ARSJ: variants seen among roughly 807,000 people sequenced by gnomAD.
ARSJ encodes the protein arylsulfatase J.
In ARSJ, 26 loss-of-function variants were observed where a neutral mutation model predicts 35.9. The ratio of observed to expected loss-of-function variants is 0.72; its 90% CI spans 0.53 to 1.00. The LOEUF is 1.00. Ranked by LOEUF, ARSJ falls within the 50% of genes least tolerant of loss-of-function variation. ARSJ has a pLI of 0.00. For missense variants in ARSJ, 667 were observed against 723.6 expected (o/e 0.92, Z 0.90); for synonymous variants, 294 against 267.6 (o/e 1.10, Z -0.96).
At chr4:113,939,815 A>T (rs1380368478) in intron 1 of ARSJ, among the ~76,000 whole-genome samples, 2 of 151,808 alleles carry the variant, frequency 1.3e-5, no homozygotes, top group Non-Finnish European at 2.9e-5. Context: ...TAGATTCTAG[A>T]TATTAGCCCT....
chr4:113,924,282 T>C (rs7667203), intron 1 of ARSJ, among the ~76,000 whole-genome samples: 109,382 of 150,760 alleles, frequency 0.73, 40,204 homozygotes, highest in East Asian at 0.82. Flanking sequence ...AAAGATGTAG[T>C]CTGGGAGGCT....
At chr4:113,925,998 G>A (rs1404873020) in intron 1 of ARSJ, among the ~76,000 whole-genome samples, 3 of 152,100 alleles carry the variant, frequency 2.0e-5, no homozygotes, top group Non-Finnish European at 4.4e-5. Context: ...CTGCCACCAT[G>A]GCCACTTTGT....
Position 113,902,443 on chromosome 4 carries a change from G to C in ARSJ, c.1631C>G (p.Pro544Arg). ...TCCCCAGACCCCTCCATTGAGCCTA[G>C]GGTTACTTCTGGGGTCTTTGGGGGG... ...RYPPKDPRSN[P>R]RLNGGVWGPW... Residue 544 changes from proline (P) to arginine (R), a missense_variant, in exon 2 of 2, where the codon CCT becomes CGT. Physicochemically the swap from Pro to Arg is moderately radical, Grantham distance 103 (BLOSUM62 -2). Coordinates refer to ENST00000315366, the MANE Select transcript of ARSJ (RefSeq NM_024590.4). The C allele has an allele frequency of 6.2e-7, 1 of 1,613,968 alleles. No individual in the cohort carries two copies.
chr4:113,963,413 A>G (rs552642771), intron 1 of ARSJ, among the ~76,000 whole-genome samples: 4 of 152,176 alleles, frequency 2.6e-5, no homozygotes, highest in South Asian at 2.1e-4. Flanking sequence ...CCTTCTTCAC[A>G]TGATGGCAGG....
At chr4:113,926,849 G>A (rs963927952) in intron 1 of ARSJ, among the ~76,000 whole-genome samples, 11 of 152,140 alleles carry the variant, frequency 7.2e-5, no homozygotes, top group Non-Finnish European at 1.0e-4. Context: ...AAGGAGAGTT[G>A]TTATCTGCAG....
chr4:113,916,643 T>C (rs550991686), intron 1 of ARSJ, among the ~76,000 whole-genome samples: 15 of 152,270 alleles, frequency 9.9e-5, no homozygotes, highest in African/African-American at 3.1e-4. Flanking sequence ...ATGATACCAT[T>C]GCTTGGGTCT....
intron 1 of ARSJ, among the ~76,000 whole-genome samples, chr4:113,904,353 T>C (rs1467694761): frequency 6.6e-5 from 10 of 152,218 alleles, no homozygotes; most frequent in African/African-American, 2.4e-4. Flanking sequence ...ATTATTATTA[T>C]TGCTTTTAAC....
intron 1 of ARSJ, among the ~76,000 whole-genome samples, chr4:113,912,072 A>G (rs1360875254): frequency 6.6e-6 from 1 of 152,206 alleles, no homozygotes; most frequent in East Asian, 1.9e-4. Flanking sequence ...GTTACCATAA[A>G]AATGCAGTTA....
chr4:113,902,478 C>G lies in ARSJ; in HGVS notation c.1596G>C (p.Pro532=). 1 of 1,614,066 alleles carries G rather than the reference C, an allele frequency of 6.2e-7. No homozygotes were observed. Among genetic ancestry groups the G allele is most frequent in the Non-Finnish European group, 8.5e-7 (1 of 1,180,014 alleles). ...TGGGGTCTTTGGGGGGATACCTGAC[C>G]GGCACTGCAGTTTTGTTGAACTGTG... The part of the protein sequence containing the change: ...RLSQFNKTAV[P]VRYPPKDPRS... Residue 532 remains proline (P), a synonymous_variant, in exon 2 of 2, where the codon CCG becomes CCC. Transcript: ENST00000315366.
rs1045883 is a variant in ARSJ, at chr4:113,902,534, C to A, written c.1540G>T (p.Gly514Ter). 6.2e-7 allele frequency: 1 copy of A among 1,614,130 alleles called. No homozygotes were observed. The highest frequency in any genetic ancestry group is 8.5e-7 in the Non-Finnish European group (1 of 1,180,020). The change falls in exon 2 of 2, where the codon GGA (glycine) becomes TGA (stop). Residue 514 changes from glycine (G) to a stop codon, truncating the protein, a stop_gained. Coordinates refer to ENST00000315366, the MANE Select transcript of ARSJ (RefSeq NM_024590.4). LOFTEE classifies it low-confidence loss of function (END_TRUNC). ...CTCCGTAGGAGCTTCTTCACGATTCCTGGATACCTGTTAGATAGGTCCACC... is the reference window on the plus strand; with the variant it reads ...CTCCGTAGGAGCTTCTTCACGATTCATGGATACCTGTTAGATAGGTCCACC... The part of the protein sequence containing the change: ...ERVDLSNRYP[G>*]IVKKLLRRLS...
chr4:113,961,897 C>CTGTG (rs60701922), intron 1 of ARSJ, among the ~76,000 whole-genome samples: 1 of 148,148 alleles, frequency 6.8e-6, no homozygotes, highest in African/African-American at 2.5e-5. Context: ...CTCTCTCTCT[C>CTGTG]TGTGTGTGTG....
In ARSJ at chr4:113,902,464, G is replaced by A. The variant is rs757481578; in HGVS notation, c.1610C>T (p.Pro537Leu). Residue 537 changes from proline (P) to leucine (L), a missense_variant, in exon 2 of 2, where the codon CCC (proline) becomes CTC (leucine). Coordinates refer to ENST00000315366, the MANE Select transcript of ARSJ (RefSeq NM_024590.4). ...NKTAVPVRYP[P>L]KDPRSNPRLN... ...CCTAGGGTTACTTCTGGGGTCTTTGGGGGGATACCTGACCGGCACTGCAGT... is the reference window on the plus strand; with the variant it reads ...CCTAGGGTTACTTCTGGGGTCTTTGAGGGGATACCTGACCGGCACTGCAGT... The A allele has an allele frequency of 7.4e-6, 12 of 1,613,982 alleles. No individual in the cohort carries two copies. Among genetic ancestry groups the A allele is most frequent in the East Asian group, 4.5e-5 (2 of 44,872 alleles).
intron 1 of ARSJ, among the ~76,000 whole-genome samples, chr4:113,938,916 T>A (rs962703983): frequency 4.6e-5 from 7 of 151,832 alleles, no homozygotes; most frequent in Non-Finnish European, 8.8e-5. Context: ...TTATTATTTT[T>A]AAATTATTAT....
At chr4:113,950,576 G>A (rs1414149084) in intron 1 of ARSJ, among the ~76,000 whole-genome samples, 1 of 152,006 alleles carries the variant, frequency 6.6e-6, no homozygotes, top group East Asian at 1.9e-4. Flanking sequence ...TATAAGATGA[G>A]GGAAAGGGAA....
intron 1 of ARSJ, among the ~76,000 whole-genome samples, chr4:113,906,507 A>C (rs1219795369): frequency 2.6e-5 from 4 of 152,230 alleles, no homozygotes; most frequent in African/African-American, 9.6e-5. Context: ...GAAAATTTAA[A>C]ACCAGCAACA....
chr4:113,937,529 G>T (rs1194495821), intron 1 of ARSJ, among the ~76,000 whole-genome samples: 6 of 152,066 alleles, frequency 3.9e-5, no homozygotes, highest in African/African-American at 1.4e-4. Flanking sequence ...AGTATTGGAA[G>T]TTCTGGCCAG....
intron 1 of ARSJ, chr4:113,944,121 G>A (rs1220040675): frequency 2.6e-5 from 4 of 152,174 alleles, no homozygotes; most frequent in Admixed American, 6.6e-5. Context: ...CTGTGGCTTC[G>A]AACCAGGAAA....
chr4:113,969,777 T>A (rs1023653280), intron 1 of ARSJ, among the ~76,000 whole-genome samples: 1 of 152,216 alleles, frequency 6.6e-6, no homozygotes, highest in Non-Finnish European at 1.5e-5. Flanking sequence ...CAGGGGGAAA[T>A]AAATAATCAT....
chr4:113,903,354 C>T lies in ARSJ; in HGVS notation c.720G>A (p.Gln240=), dbSNP rs2099667739. 6.8e-6 allele frequency: 11 copies of T among 1,614,032 alleles called. No individual in the cohort carries two copies. The highest frequency in any genetic ancestry group is 9.3e-6 in the Non-Finnish European group (11 of 1,180,042). The change falls in exon 2 of 2, where the codon CAG becomes CAA. Residue 240 remains glutamine, a synonymous_variant. Transcript: ENST00000315366. ...WDYDNGIYST[Q]MYTQRVQQIL... is the part of the protein sequence containing the mutation. ...TTTGCTGTACTCTCTGAGTGTACATCTGTGTGGAGTATATGCCATTGTCAT... is the reference window on the plus strand; with the variant it reads ...TTTGCTGTACTCTCTGAGTGTACATTTGTGTGGAGTATATGCCATTGTCAT...
Sources: gnomAD v4.1 joint callset for allele counts (sites outside exome capture counted in the v4.1 genomes callset) on GRCh38, gnomAD v4.1.1 for gene constraint, MANE v1.5 for transcripts, NCBI Gene and HGNC (gene_info 2026-07-23, HGNC 2026-07-21) for gene names.